The following PHIP variants were observed in gnomAD, a reference collection of about 807,000 sequenced individuals.
PHIP encodes PH-interacting protein.
In PHIP, 54 loss-of-function variants were observed where a neutral mutation model predicts 236.8. That is an observed-to-expected ratio of 0.23 (90% CI 0.18 to 0.29). The LOEUF (loss-of-function observed/expected upper bound fraction) is 0.29, where lower values mean the gene tolerates loss of function less well. Among genes scored for constraint, PHIP ranks in the 10% least tolerant of loss-of-function variants. PHIP has a pLI of 1.00. For missense variants in PHIP, 1,370 were observed against 2,190.8 expected (o/e 0.63, Z 7.48); for synonymous variants, 756 against 718.9 (o/e 1.05, Z -0.83).
At chr6:79,075,347 G>C (rs1774097814) in intron 4 of PHIP, among the ~76,000 whole-genome samples, 1 of 152,096 alleles carries the variant, frequency 6.6e-6, no homozygotes, top group African/African-American at 2.4e-5. Flanking sequence ...TGAATGAAAA[G>C]AGAAAACGAG....
At chr6:78,987,594 A>G (rs529817301) in intron 21 of PHIP, among the ~76,000 whole-genome samples, 9 of 152,296 alleles carry the variant, frequency 5.9e-5, no homozygotes, top group African/African-American at 2.2e-4. Flanking sequence ...CCTGTAAAGA[A>G]GGAAGGTGAT....
intron 35 of PHIP, among the ~76,000 whole-genome samples, chr6:78,951,192 A>C (rs940366757): frequency 3.9e-5 from 6 of 152,284 alleles, no homozygotes; most frequent in Non-Finnish European, 7.4e-5. Context: ...AAAATATAAA[A>C]ATGATTTTTT....
chr6:78,972,813 A>T (rs1171798124), intron 24 of PHIP, among the ~76,000 whole-genome samples: 1 of 152,208 alleles, frequency 6.6e-6, no homozygotes, highest in Non-Finnish European at 1.5e-5. Context: ...TGAAGCGAGA[A>T]GGGAAGTTTA....
rs1002292176 is a variant in PHIP at position 78,938,701 on chromosome 6, AT to A, written c.*1991del. The A allele has an allele frequency of 6.6e-6, 1 of 151,704 alleles. No individual in the cohort carries two copies. The highest frequency in any genetic ancestry group is 1.5e-5 in the Non-Finnish European group (1 of 67,660). 9.4% of individuals were successfully genotyped at this position (151,704 alleles called of 1,614,324 possible). On this transcript the variant is annotated 3_prime_UTR_variant, in exon 40 of 40. Coordinates refer to ENST00000275034, the MANE Select transcript of PHIP (RefSeq NM_017934.7). Reference sequence around the variant, plus strand: ...AGTTAAATATATTTGTTAGAAAAAAATAAATATACAAAAAACCTGAAAAATT... The same window carrying A: ...AGTTAAATATATTTGTTAGAAAAAAAAAATATACAAAAAACCTGAAAAATT...
At chr6:79,062,557 A>T (rs2127773732) in intron 4 of PHIP, among the ~76,000 whole-genome samples, 1 of 152,338 alleles carries the variant, frequency 6.6e-6, no homozygotes, top group South Asian at 2.1e-4. Flanking sequence ...ATTACTTATT[A>T]ACTTCAGATG....
At position 78,983,134 on chromosome 6, in the gene PHIP, G is replaced by A. The variant is rs1768646113; in HGVS notation, c.2538-17C>T. On this transcript the variant is annotated splice_polypyrimidine_tract_variant and intron_variant, in intron 22 of 39. Coordinates refer to ENST00000275034, the MANE Select transcript of PHIP (RefSeq NM_017934.7). ...GAGTAGTCACTAGAAGGAGAGAAGG[G>A]ATTATTAGATAACACACAAGATAAA... is the stretch of plus-strand genomic sequence containing the variant. 5.4e-6 allele frequency: 7 copies of A among 1,300,870 alleles called. No individual in the cohort carries two copies. The highest frequency in any genetic ancestry group is 7.5e-6 in the Non-Finnish European group (7 of 932,200). 80.6% of individuals were successfully genotyped at this position (1,300,870 alleles called of 1,614,324 possible).
chr6:79,055,866 A>C (rs979854722), intron 6 of PHIP, among the ~76,000 whole-genome samples: 1 of 152,166 alleles, frequency 6.6e-6, no homozygotes, highest in Non-Finnish European at 1.5e-5. Flanking sequence ...CATAAACCTT[A>C]ATTTCTTAAA....
intron 6 of PHIP, among the ~76,000 whole-genome samples, chr6:79,059,646 T>C (rs939956462): frequency 1.5e-5 from 2 of 132,804 alleles, no homozygotes; most frequent in Admixed American, 1.5e-4. Context: ...ACAAAAGTCA[T>C]ATAAACTTAC....
chr6:79,064,252 A>G (rs1326053818), intron 4 of PHIP, among the ~76,000 whole-genome samples: 9 of 152,080 alleles, frequency 5.9e-5, no homozygotes, highest in Admixed American at 5.2e-4. Flanking sequence ...CCTCTCAACC[A>G]ACTCCTTCCC....
chr6:79,022,032 AT>A (rs1461215215), intron 9 of PHIP, among the ~76,000 whole-genome samples: 2 of 152,210 alleles, frequency 1.3e-5, no homozygotes, highest in Admixed American at 1.3e-4. Context: ...AAATTAAAAA[AT>A]AAAAAGATTT....
At chr6:78,992,058 G>A (rs7749615) in intron 19 of PHIP, among the ~76,000 whole-genome samples, 1 of 150,354 alleles carries the variant, frequency 6.7e-6, no homozygotes, top group Non-Finnish European at 1.5e-5. Context: ...GCCCCCCGGG[G>A]TTCACACCAT....
chr6:78,939,239 T>C lies in PHIP; in HGVS notation c.*1454A>G, dbSNP rs1446763291. On this transcript the variant is annotated 3_prime_UTR_variant, in exon 40 of 40. Coordinates refer to ENST00000275034, the MANE Select transcript of PHIP (RefSeq NM_017934.7). Reference sequence around the variant, plus strand: ...TACATTCTCCTAAGTCATATAGTTATCATTTACAATAGACAACTTAATTTT... The same window carrying C: ...TACATTCTCCTAAGTCATATAGTTACCATTTACAATAGACAACTTAATTTT... The C allele has an allele frequency of 6.6e-6, 1 of 151,788 alleles. No homozygotes were observed. The highest frequency in any genetic ancestry group is 1.5e-5 in the Non-Finnish European group (1 of 67,720). 9.4% of individuals were successfully genotyped at this position (151,788 alleles called of 1,614,324 possible).
At chr6:78,991,853 ATT>A (rs112389282) in intron 19 of PHIP, among the ~76,000 whole-genome samples, 71 of 148,274 alleles carry the variant, frequency 4.8e-4, no homozygotes, top group African/African-American at 1.4e-3. Context: ...TTTGTTCTTA[ATT>A]TTTTTTTTTT....
At position 79,078,203 on chromosome 6, in the gene PHIP, CGGCGGA is replaced by C. The variant is rs1000378859; in HGVS notation, c.-141_-136del. 3.7e-6 allele frequency: 3 copies of C among 802,980 alleles called. No individual in the cohort carries two copies. Among genetic ancestry groups the C allele is most frequent in the African/African-American group, 1.8e-5 (1 of 56,224 alleles). The allele number at this position is 802,980 out of a possible 1,614,324, so 49.7% of individuals were successfully genotyped here. ...TTCGGCTCCACCATTCAAGCAACGG[CGGCGGA>C]GGCGGAGGAGGAGGAGGAGGAAACA... On this transcript the variant is annotated 5_prime_UTR_variant, in exon 1 of 40. Transcript: ENST00000275034.
At chr6:78,994,325 C>A (rs897931193) in intron 19 of PHIP, among the ~76,000 whole-genome samples, 1 of 152,310 alleles carries the variant, frequency 6.6e-6, no homozygotes, top group African/African-American at 2.4e-5. Context: ...TGCCTGTAAT[C>A]TCAGCACTTT....
intron 4 of PHIP, among the ~76,000 whole-genome samples, chr6:79,070,543 A>C (rs1284081271): frequency 6.6e-6 from 1 of 152,186 alleles, no homozygotes; most frequent in Non-Finnish European, 1.5e-5. Context: ...ATTATACTAT[A>C]ACCTTTCCCA....
At position 78,941,347 on chromosome 6, in the gene PHIP, G is replaced by A. The variant is rs1221265068; in HGVS notation, c.4829-17C>T. 6.3e-7 allele frequency: 1 copy of A among 1,585,612 alleles called. No individual in the cohort carries two copies. The highest frequency in any genetic ancestry group is 8.6e-7 in the Non-Finnish European group (1 of 1,166,580). On this transcript the variant is annotated splice_polypyrimidine_tract_variant and intron_variant, in intron 39 of 39. Coordinates refer to ENST00000275034, the MANE Select transcript of PHIP (RefSeq NM_017934.7). ...TACAATCTCCTAAAAGGGAACAACA[G>A]TACACTTAATATATGGAGTTTCTTT...
chr6:78,949,117 T>TCACC (rs1327044163), intron 35 of PHIP, among the ~76,000 whole-genome samples: 3 of 152,210 alleles, frequency 2.0e-5, no homozygotes, highest in Non-Finnish European at 4.4e-5. Flanking sequence ...ATATTAGCTG[T>TCACC]AGATGTACTT....
intron 24 of PHIP, among the ~76,000 whole-genome samples, chr6:78,975,326 T>C (rs1431397229): frequency 1.3e-5 from 2 of 152,080 alleles, no homozygotes; most frequent in Non-Finnish European, 2.9e-5. Context: ...ATCAACAACC[T>C]TTCATGCTAA....
Sources: gnomAD v4.1 joint callset for allele counts (sites outside exome capture counted in the v4.1 genomes callset) on GRCh38, gnomAD v4.1.1 for gene constraint, MANE v1.5 for transcripts, NCBI Gene and HGNC (gene_info 2026-07-23, HGNC 2026-07-21) for gene names.